CDC42BPB: variants seen among roughly 807,000 people sequenced by gnomAD.
CDC42BPB encodes the protein CDC42 binding protein kinase beta, also known as serine/threonine-protein kinase MRCK beta.
In CDC42BPB, 37 loss-of-function variants were observed where a neutral mutation model predicts 214.9. The observed-to-expected ratio is 0.17, with a 90% confidence interval of 0.13 to 0.23. The LOEUF is 0.23. CDC42BPB is among the 10% of genes least tolerant of loss of function. The pLI is 1.00. For missense variants in CDC42BPB, 1,694 were observed against 2,227.0 expected (o/e 0.76, Z 4.82); for synonymous variants, 931 against 884.0 (o/e 1.05, Z -0.94).
intron 12 of CDC42BPB, chr14:102,972,473 G>C (rs1009099574): frequency 4.9e-6 from 1 of 203,340 alleles, no homozygotes; most frequent in Admixed American, 6.5e-5. Context: ...GGTCACCTGA[G>C]GTCAGGAGAT....
Position 103,002,706 on chromosome 14 carries a change from T to C in CDC42BPB, c.447+1222A>G, listed in dbSNP as rs139612500. 1.1e-4 allele frequency among the ~76,000 whole-genome samples: 16 copies of C among 152,188 alleles called. No individual in the cohort carries two copies. In the East Asian group the frequency reaches 2.7e-3, roughly 26 times the overall value. On this transcript the variant is annotated intron_variant, in intron 4 of 36. Transcript: ENST00000361246. The stretch of plus-strand genomic sequence containing the variant: ...TCTTGGTCACAGGTGCTGTCATCCA[T>C]GTGGTCACTTTGGGCAAGTGACTTC...
chr14:103,049,058 T>C (rs1013306718), intron 1 of CDC42BPB, among the ~76,000 whole-genome samples: 1 of 152,068 alleles, frequency 6.6e-6, no homozygotes, highest in African/African-American at 2.4e-5. Context: ...TATATAAACA[T>C]ATTTGGAACA....
intron 21 of CDC42BPB, among the ~76,000 whole-genome samples, chr14:102,958,677 C>A (rs569190040): frequency 3.9e-5 from 6 of 152,054 alleles, no homozygotes; most frequent in Non-Finnish European, 8.8e-5. Context: ...AGATGACCAG[C>A]GGCTCCGACT....
At chr14:103,008,393 C>A in intron 3 of CDC42BPB, 79 bp downstream of exon 3, 1 of 958,850 alleles carries the variant, frequency 1.0e-6, no homozygotes, top group African/African-American at 1.6e-5. Flanking sequence ...GTGGCTGCAG[C>A]TTTTCCCCAG....
intron 4 of CDC42BPB, chr14:102,999,967 G>A (rs1024441712): frequency 4.2e-6 from 4 of 947,182 alleles, no homozygotes; most frequent in Admixed American, 6.2e-5. Flanking sequence ...TGGGAGGAAT[G>A]ATGAAAGGGC....
At position 102,999,705 on chromosome 14, in the gene CDC42BPB, G is replaced by A. The variant is rs370792937; in HGVS notation, c.456C>T (p.Val152=). ...AATCACCACCCACATAGTAATCCATGACTAAGTACTACAAATTGGAAAGAG... is the reference window on the plus strand; with the variant it reads ...AATCACCACCCACATAGTAATCCATAACTAAGTACTACAAATTGGAAAGAG... ...AFQDENHLYL[V]MDYYVGGDLL... Residue 152 remains valine (V), a synonymous_variant, in exon 5 of 37, where the codon GTC becomes GTT. Transcript: ENST00000361246. 15 of 1,614,030 alleles carry A rather than the reference G, an allele frequency of 9.3e-6. No individual in the cohort carries two copies. The highest frequency in any genetic ancestry group is 6.7e-5 in the Admixed American group (4 of 60,012).
chr14:102,936,249 C>T (rs1487401437), intron 36 of CDC42BPB, among the ~76,000 whole-genome samples: 1 of 152,186 alleles, frequency 6.6e-6, no homozygotes. Context: ...CACTCACAGG[C>T]ATAAACCCGA....
chr14:103,023,754 T>C (rs1886897169), intron 1 of CDC42BPB, among the ~76,000 whole-genome samples: 1 of 152,198 alleles, frequency 6.6e-6, no homozygotes, highest in African/African-American at 2.4e-5. Context: ...TTAAGTCAAC[T>C]ACTGGTATTA....
intron 1 of CDC42BPB, among the ~76,000 whole-genome samples, chr14:103,032,838 G>A: frequency 6.6e-6 from 1 of 150,704 alleles, no homozygotes. Context: ...TACCCAGGCT[G>A]GTCTCGAACT....
intron 1 of CDC42BPB, among the ~76,000 whole-genome samples, chr14:103,015,737 A>C (rs545094101): frequency 3.2e-4 from 49 of 152,118 alleles, no homozygotes; most frequent in African/African-American, 1.1e-3. Flanking sequence ...TTTGAGACAG[A>C]GTCTAGCTTT....
At chr14:103,018,462 T>C (rs1285773276) in intron 1 of CDC42BPB, among the ~76,000 whole-genome samples, 1 of 152,170 alleles carries the variant, frequency 6.6e-6, no homozygotes, top group Non-Finnish European at 1.5e-5. Context: ...CACCGCCCCA[T>C]TAAGATAACA....
At chr14:103,043,758 C>T (rs1595186828) in intron 1 of CDC42BPB, among the ~76,000 whole-genome samples, 1 of 151,994 alleles carries the variant, frequency 6.6e-6, no homozygotes, top group East Asian at 1.9e-4. Flanking sequence ...AAACTATTAG[C>T]AGTATAATTC....
Position 102,978,157 on chromosome 14 carries a change from G to C in CDC42BPB, c.1189C>G (p.Pro397Ala). The stretch of plus-strand genomic sequence containing the variant: ...GTTGTGAATGTAAAACCAATGAATG[G>C]CAAATGTAATCCAGAAAAGCCTGTG... ...SHTGFSGLHL[P>A]FIGFTFTTES... The change falls in exon 9 of 37, where the codon CCA (proline) becomes GCA (alanine). Residue 397 changes from proline to alanine, a missense_variant. Around this residue, in one of 7 missense-constraint regions of CDC42BPB, gnomAD observed 225 missense variants for 459.3 expected, o/e 0.49. Coordinates refer to ENST00000361246, the MANE Select transcript of CDC42BPB (RefSeq NM_006035.4). 1 of 1,613,596 alleles carries C rather than the reference G, an allele frequency of 6.2e-7. No individual in the cohort carries two copies. The highest frequency in any genetic ancestry group is 8.5e-7 in the Non-Finnish European group (1 of 1,179,560).
In CDC42BPB at chr14:102,970,136, C is replaced by A. The variant is rs755485997; in HGVS notation, c.1995+15G>T. The A allele has an allele frequency of 1.9e-6, 3 of 1,593,594 alleles. No homozygotes were observed. In the South Asian group the frequency reaches 3.3e-5, roughly 18 times the overall value. On this transcript the variant is annotated intron_variant, in intron 14 of 36. Coordinates refer to ENST00000361246, the MANE Select transcript of CDC42BPB (RefSeq NM_006035.4). ...TCCCTCTCAGTTAAGGGCAGAGACC[C>A]CCGCCCAGCACTACCTTGAGGGCCT... is the stretch of plus-strand genomic sequence containing the variant.
At chr14:102,989,769 G>A (rs1894406827) in intron 5 of CDC42BPB, among the ~76,000 whole-genome samples, 1 of 151,388 alleles carries the variant, frequency 6.6e-6, no homozygotes, top group Non-Finnish European at 1.5e-5. Flanking sequence ...TGAGGCAGGA[G>A]AATCACTTGA....
chr14:103,029,550 A>G (rs1361373232), intron 1 of CDC42BPB, among the ~76,000 whole-genome samples: 2 of 149,686 alleles, frequency 1.3e-5, no homozygotes, highest in Non-Finnish European at 3.0e-5. Flanking sequence ...CTCAAAGGAA[A>G]AAAAAAAAAA....
In CDC42BPB at chr14:102,944,708, T is replaced by C; in HGVS notation, c.3812-221A>G. On this transcript the variant is annotated intron_variant, in intron 29 of 36. Coordinates refer to ENST00000361246, the MANE Select transcript of CDC42BPB (RefSeq NM_006035.4). The surrounding 1 kb of genome is among the most constrained non-coding windows in gnomAD (Gnocchi z 6.6). ...CTGCCCCACATCCACAGCGCGCTCC[T>C]GGGGCAGCCTCGGGGGCTGGTCCAA... 7 of 979,988 alleles carry C rather than the reference T, an allele frequency of 7.1e-6. No homozygotes were observed. Among genetic ancestry groups the C allele is most frequent in the Non-Finnish European group, 8.5e-6 (7 of 825,052 alleles). The allele number at this position is 979,988 out of a possible 1,614,324, so 60.7% of individuals were successfully genotyped here.
intron 14 of CDC42BPB, among the ~76,000 whole-genome samples, chr14:102,969,922 T>G (rs897608232): frequency 2.0e-5 from 3 of 152,244 alleles, no homozygotes; most frequent in Non-Finnish European, 4.4e-5. Context: ...GTGAATTGCC[T>G]GAAACTTTTA....
intron 1 of CDC42BPB, among the ~76,000 whole-genome samples, chr14:103,040,591 T>G (rs1299197502): frequency 6.6e-6 from 1 of 151,800 alleles, no homozygotes; most frequent in African/African-American, 2.4e-5. Context: ...CCCGAGTAGG[T>G]GGGATTACAG....
Sources: allele counts gnomAD v4.1 joint callset (sites outside exome capture counted in the v4.1 genomes callset), GRCh38; gene constraint gnomAD v4.1.1; regional missense constraint gnomAD v4.1.1; non-coding constraint Gnocchi (gnomAD v3.1); transcripts MANE v1.5; gene names NCBI Gene and HGNC (gene_info 2026-07-23, HGNC 2026-07-21).